Variants in ZNF804B observed in about 807,000 individuals in gnomAD.
ZNF804B encodes zinc finger protein 804B.
ZNF804B carries 80 observed loss-of-function variants against 101.4 expected under a neutral mutation model. That is an observed-to-expected ratio of 0.79 (90% CI 0.66 to 0.95). The LOEUF (loss-of-function observed/expected upper bound fraction) is 0.95. Ranked by LOEUF, ZNF804B falls within the 40% of genes least tolerant of loss-of-function variation. The pLI, the probability that ZNF804B is intolerant of heterozygous loss-of-function variation, is 0.00. For missense variants in ZNF804B, 1,673 were observed against 1,561.9 expected (o/e 1.07, Z -1.20); for synonymous variants, 622 against 558.8 (o/e 1.11, Z -1.59).
At chr7:89,030,394 C>G (rs1788811632) in intron 1 of ZNF804B, among the ~76,000 whole-genome samples, 2 of 151,950 alleles carry the variant, frequency 1.3e-5, no homozygotes, top group African/African-American at 4.8e-5. Flanking sequence ...GTAATTTCTT[C>G]CCATACTAAA....
intron 1 of ZNF804B, among the ~76,000 whole-genome samples, chr7:88,877,007 A>AATATATATATATATATATAATAT (rs1791950805): frequency 1.3e-5 from 1 of 75,184 alleles, no homozygotes; most frequent in Non-Finnish European, 2.2e-5. Flanking sequence ...TGAAAAAAAA[A>AATATATATATATATATATAATAT]ATATATATAT....
At chr7:89,099,075 A>G (rs1790013325) in intron 1 of ZNF804B, among the ~76,000 whole-genome samples, 1 of 145,978 alleles carries the variant, frequency 6.9e-6, no homozygotes. Flanking sequence ...ACCTATTTGA[A>G]TAACATATAT....
intron 1 of ZNF804B, among the ~76,000 whole-genome samples, chr7:88,950,624 GAAGT>G (rs1046579704): frequency 2.0e-5 from 3 of 151,722 alleles, no homozygotes; most frequent in African/African-American, 4.8e-5. Flanking sequence ...TTCAGTCAAA[GAAGT>G]AAGAGGATCA....
chr7:89,131,698 T>C (rs1031743691), intron 1 of ZNF804B, among the ~76,000 whole-genome samples: 1 of 152,032 alleles, frequency 6.6e-6, no homozygotes, highest in African/African-American at 2.4e-5. Flanking sequence ...CTTAGGAAAT[T>C]GTGTTCTCAA....
intron 1 of ZNF804B, among the ~76,000 whole-genome samples, chr7:89,048,307 A>G (rs575401990): frequency 6.6e-6 from 1 of 152,022 alleles, no homozygotes; most frequent in South Asian, 2.1e-4. Context: ...TTATTATTCT[A>G]AGTGAAGTAA....
intron 1 of ZNF804B, among the ~76,000 whole-genome samples, chr7:89,014,183 G>A (rs1413519630): frequency 6.6e-6 from 1 of 152,038 alleles, no homozygotes; most frequent in Non-Finnish European, 1.5e-5. Context: ...GTGTATAAGA[G>A]TTTCCTACTC....
intron 2 of ZNF804B, among the ~76,000 whole-genome samples, chr7:89,287,830 A>G (rs1790230343): frequency 6.6e-6 from 1 of 152,188 alleles, no homozygotes; most frequent in Admixed American, 6.5e-5. Context: ...ATAAGATCAA[A>G]TATCTAGCAG....
At chr7:89,122,434 C>A (rs543605705) in intron 1 of ZNF804B, among the ~76,000 whole-genome samples, 6 of 152,046 alleles carry the variant, frequency 3.9e-5, no homozygotes, top group Admixed American at 6.6e-5. Context: ...TTATTACTAA[C>A]GTTGTTTAGA....
intron 2 of ZNF804B, among the ~76,000 whole-genome samples, chr7:89,234,217 G>T (rs1789244262): frequency 1.3e-5 from 2 of 151,722 alleles, no homozygotes; most frequent in South Asian, 4.2e-4. Context: ...GTGTATATAT[G>T]TTAAATGATC....
Position 88,807,392 on chromosome 7 carries a change from G to A in ZNF804B, c.108+47308G>A, listed in dbSNP as rs909465082. 2.0e-5 allele frequency among the ~76,000 whole-genome samples: 3 copies of A among 152,176 alleles called. 1 individual carries two copies. Among genetic ancestry groups the A allele is most frequent in the African/African-American group, 7.2e-5 (3 of 41,448 alleles). ...TTTGTATGGGTAGGGTGATGGCAAA[G>A]TCAAATAAAATTCAACCACACCATA... On this transcript the variant is annotated intron_variant, in intron 1 of 3. Coordinates refer to ENST00000333190, the MANE Select transcript of ZNF804B (RefSeq NM_181646.5).
intron 1 of ZNF804B, among the ~76,000 whole-genome samples, chr7:89,122,080 T>C (rs536840797): frequency 7.9e-5 from 12 of 151,800 alleles, no homozygotes; most frequent in African/African-American, 2.9e-4. Context: ...AATATATATA[T>C]TAAACTACTT....
chr7:89,290,349 A>C (rs1349862630), intron 2 of ZNF804B, among the ~76,000 whole-genome samples: 1 of 152,122 alleles, frequency 6.6e-6, no homozygotes. Context: ...AAGCAAAGGG[A>C]ACACTGTCTT....
chr7:89,303,145 A>G (rs1222538395), intron 2 of ZNF804B, among the ~76,000 whole-genome samples: 2 of 151,932 alleles, frequency 1.3e-5, no homozygotes, highest in East Asian at 1.9e-4. Flanking sequence ...ATCTTCTTCT[A>G]GTAAATAATA....
chr7:89,155,036 C>A (rs533703963), intron 1 of ZNF804B, among the ~76,000 whole-genome samples: 1 of 152,048 alleles, frequency 6.6e-6, no homozygotes, highest in East Asian at 1.9e-4. Context: ...ACTATGTACA[C>A]AAAAAATTAA....
chr7:89,078,806 C>G (rs978702795), intron 1 of ZNF804B, among the ~76,000 whole-genome samples: 9 of 151,912 alleles, frequency 5.9e-5, no homozygotes, highest in Admixed American at 4.6e-4. Context: ...ATTGGTCTTT[C>G]TAACCTCCCT....
chr7:89,334,472 T>G lies in ZNF804B; in HGVS notation c.1490T>G (p.Leu497Ter). The change falls in exon 4 of 4, where the codon TTA becomes TGA. Residue 497 changes from leucine to a stop codon, truncating the protein, a stop_gained. Transcript: ENST00000333190. LOFTEE classifies it high-confidence loss of function. The part of the protein sequence containing the change: ...NTKEDHNLED[L>*]KTELGKKPLE... ...AAGGAAGACCACAATCTAGAGGACT[T>G]AAAAACAGAATTGGGTAAGAAGCCC... The G allele has an allele frequency of 6.2e-7, 1 of 1,613,650 alleles. No homozygotes were observed. The highest frequency in any genetic ancestry group is 1.3e-5 in the African/African-American group (1 of 74,958).
At chr7:88,892,106 T>C (rs559281732) in intron 1 of ZNF804B, among the ~76,000 whole-genome samples, 2 of 152,292 alleles carry the variant, frequency 1.3e-5, no homozygotes, top group East Asian at 3.9e-4. Context: ...TTAACATAAA[T>C]GCCTTTACTG....
intron 1 of ZNF804B, among the ~76,000 whole-genome samples, chr7:89,213,692 T>C (rs1788839389): frequency 6.6e-6 from 1 of 152,210 alleles, no homozygotes; most frequent in Admixed American, 6.5e-5. Flanking sequence ...TCTGGATAAA[T>C]GCTTAGCAAT....
chr7:89,085,412 T>C (rs1299459123), intron 1 of ZNF804B, among the ~76,000 whole-genome samples: 3 of 151,996 alleles, frequency 2.0e-5, no homozygotes, highest in Non-Finnish European at 4.4e-5. Context: ...AAGCCTGTTT[T>C]AGTAGTTGAA....
Sources: allele counts gnomAD v4.1 joint callset (sites outside exome capture counted in the v4.1 genomes callset), GRCh38; gene constraint gnomAD v4.1.1; transcripts MANE v1.5; gene names NCBI Gene and HGNC (gene_info 2026-07-23, HGNC 2026-07-21).